CDKN2C: variants seen among roughly 807,000 people sequenced by gnomAD.
CDKN2C encodes cyclin dependent kinase inhibitor 2C, also known as cyclin-dependent kinase 4 inhibitor C.
CDKN2C carries 5 observed loss-of-function variants against 11.0 expected under a neutral mutation model. That is an observed-to-expected ratio of 0.45 (90% CI 0.24 to 0.95). The LOEUF (loss-of-function observed/expected upper bound fraction) is 0.95. Ranked by LOEUF, CDKN2C falls within the 40% of genes least tolerant of loss-of-function variation. The pLI is 0.21. For missense variants in CDKN2C, 161 were observed against 211.9 expected, an observed-to-expected ratio of 0.76 and a Z score of 1.49; for synonymous variants, 79 against 88.3, an observed-to-expected ratio of 0.89 and a Z score of 0.59.
chr1:50,970,317 G>T lies in CDKN2C; in HGVS notation c.-52G>T. 1 of 1,609,260 alleles carries T rather than the reference G, an allele frequency of 6.2e-7. No individual in the cohort carries two copies. Among genetic ancestry groups the T allele is most frequent in the African/African-American group, 1.3e-5 (1 of 74,900 alleles). ...GCCTGGTTAGGAGCAAAGGAAAGGG[G>T]AAAAAGAAAAACGACTAATTCATCT... On this transcript the variant is annotated 5_prime_UTR_variant, in exon 1 of 2. Transcript: ENST00000371761.
intron 1 of CDKN2C, among the ~76,000 whole-genome samples, chr1:50,973,318 A>G (rs1190322131): frequency 6.6e-6 from 1 of 152,228 alleles, no homozygotes. Flanking sequence ...GTAAAAATTG[A>G]TCATTTAAGA....
chr1:50,971,973 TTG>T (rs1164758851), intron 1 of CDKN2C, among the ~76,000 whole-genome samples: 1 of 152,146 alleles, frequency 6.6e-6, no homozygotes, highest in African/African-American at 2.4e-5. Flanking sequence ...GACTCTGAAG[TTG>T]TGTCATAAGT....
At position 50,970,338 on chromosome 1, in the gene CDKN2C, C is replaced by G; in HGVS notation, c.-31C>G. The G allele has an allele frequency of 6.2e-7, 1 of 1,613,440 alleles. No individual in the cohort carries two copies. ...AGGGGAAAAAGAAAAACGACTAATT[C>G]ATCTTTTCCTGATCGTCAGGACCCT... On this transcript the variant is annotated 5_prime_UTR_variant, in exon 1 of 2. Transcript: ENST00000371761.
At chr1:50,963,982 AAAT>A (rs1645336367) in intron 1 of CDKN2C, among the ~76,000 whole-genome samples, 2 of 151,692 alleles carry the variant, frequency 1.3e-5, no homozygotes, top group South Asian at 4.1e-4. Flanking sequence ...TTTCCAATAT[AAAT>A]AATAAATATT....
intron 1 of CDKN2C, among the ~76,000 whole-genome samples, chr1:50,963,884 G>A (rs981745868): frequency 6.6e-6 from 1 of 152,208 alleles, no homozygotes; most frequent in Non-Finnish European, 1.5e-5. Flanking sequence ...TTGGCCCACA[G>A]TAGTTCATGG....
At chr1:50,971,757 T>G (rs1645381248) in intron 1 of CDKN2C, among the ~76,000 whole-genome samples, 1 of 152,306 alleles carries the variant, frequency 6.6e-6, no homozygotes, top group East Asian at 1.9e-4. Context: ...ACAGGATTTT[T>G]GACGAACAGG....
At chr1:50,964,768 T>A (rs1645339387) in intron 1 of CDKN2C, among the ~76,000 whole-genome samples, 1 of 152,228 alleles carries the variant, frequency 6.6e-6, no homozygotes, top group African/African-American at 2.4e-5. Context: ...GATTAATATA[T>A]GCATTGGCTG....
chr1:50,972,567 T>G (rs966954829), intron 1 of CDKN2C, among the ~76,000 whole-genome samples: 37 of 152,214 alleles, frequency 2.4e-4, no homozygotes, highest in Admixed American at 2.3e-3. Context: ...TTTAGATTAT[T>G]ATGGATATAC....
At chr1:50,970,520 A>T (rs1307089780) in intron 1 of CDKN2C, 23 bp downstream of exon 1, 1 of 1,613,726 alleles carries the variant, frequency 6.2e-7, no homozygotes, top group East Asian at 2.2e-5. Context: ...AGAGGTGGGG[A>T]AAACAAGTCA....
rs1359019270 is a variant in CDKN2C, at chr1:50,974,338, A to G, written c.*68A>G. The G allele has an allele frequency of 2.0e-5, 29 of 1,449,848 alleles. No homozygotes were observed. Among genetic ancestry groups the G allele is most frequent in the Non-Finnish European group, 2.6e-5 (28 of 1,081,166 alleles). 89.8% of individuals were successfully genotyped at this position (1,449,848 alleles called of 1,614,324 possible). A position where few individuals can be genotyped will look rare whatever the true frequency, so the allele number is the denominator to read the frequency against. On this transcript the variant is annotated 3_prime_UTR_variant, in exon 2 of 2. Coordinates refer to ENST00000371761, the MANE Select transcript of CDKN2C (RefSeq NM_078626.3). Reference sequence around the variant, plus strand: ...AACTGAGTAGCTCTCCTGACTTTTAATGTCATTTGTTAAAATACAGTTCTG... The same window carrying G: ...AACTGAGTAGCTCTCCTGACTTTTAGTGTCATTTGTTAAAATACAGTTCTG...
At chr1:50,960,863 G>C (rs1319961709) in intron 1 of CDKN2C, 1 of 152,064 alleles carries the variant, frequency 6.6e-6, no homozygotes, top group East Asian at 1.9e-4. Flanking sequence ...AGGTAGTTAT[G>C]AGAAATAACA....
chr1:50,968,356 C>T (rs1645358688), upstream of CDKN2C: 1 of 152,460 alleles, frequency 6.6e-6, no homozygotes, highest in South Asian at 2.1e-4. Flanking sequence ...GCCTCAAAGA[C>T]CCTGCGGCCC....
In CDKN2C at chr1:50,974,557, A is replaced by C; in HGVS notation, c.*287A>C. 1 of 330,954 alleles carries C rather than the reference A, an allele frequency of 3.0e-6. No individual in the cohort carries two copies. The highest frequency in any genetic ancestry group is 5.5e-6 in the Non-Finnish European group (1 of 181,682). The allele number at this position is 330,954 out of a possible 1,614,324, so 20.5% of individuals were successfully genotyped here. On this transcript the variant is annotated 3_prime_UTR_variant, in exon 2 of 2. Transcript: ENST00000371761. Reference sequence around the variant, plus strand: ...CTTGCTTCCCCTTTTGCCAATCTCAACACCCAAGTTGAAGACTTTGTTTTT... The same window carrying C: ...CTTGCTTCCCCTTTTGCCAATCTCACCACCCAAGTTGAAGACTTTGTTTTT...
chr1:50,964,224 TAA>T (rs1328897386), intron 1 of CDKN2C, among the ~76,000 whole-genome samples: 2 of 152,228 alleles, frequency 1.3e-5, no homozygotes, highest in Non-Finnish European at 1.5e-5. Flanking sequence ...CATGGTCCAA[TAA>T]TACCACATTA....
At chr1:50,965,057 TATAG>T (rs71578051) in intron 1 of CDKN2C, among the ~76,000 whole-genome samples, 1,570 of 147,320 alleles carry the variant, frequency 0.011, 6 homozygotes, top group South Asian at 0.026. Context: ...GTCTCAAAAA[TATAG>T]ATAGATAGAT....
At chr1:50,962,808 T>A (rs980160570) in intron 1 of CDKN2C, among the ~76,000 whole-genome samples, 1 of 152,216 alleles carries the variant, frequency 6.6e-6, no homozygotes, top group Admixed American at 6.5e-5. Flanking sequence ...CTTCAGCTAC[T>A]CACAGGACTA....
upstream of CDKN2C, chr1:50,970,218 C>T: frequency 1.1e-6 from 1 of 884,456 alleles, no homozygotes; most frequent in Non-Finnish European, 1.7e-6. Flanking sequence ...GCAGATCTTA[C>T]TAGTATTTAC....
chr1:50,964,102 CTTA>C (rs1645336742), intron 1 of CDKN2C, among the ~76,000 whole-genome samples: 1 of 152,146 alleles, frequency 6.6e-6, no homozygotes, highest in Non-Finnish European at 1.5e-5. Flanking sequence ...ATGTTACCAT[CTTA>C]TTTAACATGG....
At chr1:50,970,041 C>G (rs1343816479), upstream of CDKN2C, 1 of 451,014 alleles carries the variant, frequency 2.2e-6, no homozygotes, top group Non-Finnish European at 4.1e-6. Flanking sequence ...CTACATCTGA[C>G]GTCCGGAGTC....
Sources: gnomAD v4.1 joint callset for allele counts (sites outside exome capture counted in the v4.1 genomes callset) on GRCh38, gnomAD v4.1.1 for gene constraint, MANE v1.5 for transcripts, NCBI Gene and HGNC (gene_info 2026-07-23, HGNC 2026-07-21) for gene names.